Variants in LARP7 observed in about 807,000 individuals in gnomAD.
The protein encoded by LARP7 is la-related protein 7.
In LARP7, 52 loss-of-function variants were observed where a neutral mutation model predicts 69.3. The observed-to-expected ratio is 0.75, with a 90% CI of 0.60 to 0.95. The LOEUF is 0.95. Among genes scored for constraint, LARP7 ranks in the 40% least tolerant of loss-of-function variants. The probability of loss-of-function intolerance (pLI) is 0.00; values close to 1 mark genes in which losing one functional copy is unlikely to be tolerated. For missense variants in LARP7, 733 were observed against 673.0 expected, an observed-to-expected ratio of 1.09 and a Z score of -0.99; for synonymous variants, 254 against 215.9, an observed-to-expected ratio of 1.18 and a Z score of -1.55.
intron 8 of LARP7, among the ~76,000 whole-genome samples, chr4:112,649,323 A>G (rs1425124095): frequency 6.6e-6 from 1 of 152,196 alleles, no homozygotes; most frequent in African/African-American, 2.4e-5. Flanking sequence ...CAATCTTAAA[A>G]CATTTAATCT....
At position 112,646,970 on chromosome 4, in the gene LARP7, TAAAA is replaced by T. The variant is rs747753883; in HGVS notation, c.552+25_552+28del. 6 of 1,385,202 alleles carry T rather than the reference TAAAA, an allele frequency of 4.3e-6. No individual in the cohort carries two copies. Among genetic ancestry groups the T allele is most frequent in the East Asian group, 2.4e-5 (1 of 41,016 alleles). The allele number at this position is 1,385,202 out of a possible 1,614,324, so 85.8% of individuals were successfully genotyped here. ...AAGCAATTGAGGTAAGTCCAGATCC[TAAAA>T]AAAAAAAAAGAAAGAAAAGAAAACA... On this transcript the variant is annotated intron_variant, in intron 5 of 12. Coordinates refer to ENST00000344442, the MANE Select transcript of LARP7 (RefSeq NM_016648.4).
intron 1 of LARP7, among the ~76,000 whole-genome samples, chr4:112,640,164 T>C (rs1480026828): frequency 6.6e-6 from 1 of 152,008 alleles, no homozygotes; most frequent in Non-Finnish European, 1.5e-5. Flanking sequence ...GTCTTGAACT[T>C]CTGACCTCAA....
chr4:112,648,467 G>A, intron 8 of LARP7: 1 of 534,054 alleles, frequency 1.9e-6, no homozygotes, highest in Non-Finnish European at 3.9e-6. Context: ...TTCTATTTTG[G>A]AGAAGTAAAT....
chr4:112,644,945 C>CTTTTTTTT lies in LARP7; in HGVS notation c.202+86_202+93dup, dbSNP rs58234206. The CTTTTTTTT allele has an allele frequency of 8.2e-4, 138 of 168,188 alleles. 4 individuals are homozygous for CTTTTTTTT. The highest frequency in any genetic ancestry group is 1.8e-3 in the East Asian group (10 of 5,636). 10.4% of individuals were successfully genotyped at this position (168,188 alleles called of 1,614,324 possible). A position where few individuals can be genotyped will look rare whatever the true frequency, so the allele number is the denominator to read the frequency against. On this transcript the variant is annotated intron_variant, in intron 2 of 12. Transcript: ENST00000344442. ...AAATTTACTTATAAAATAATATATTCTTTTTTTTTTTTTTTTTTTGAGTTG... is the reference window on the plus strand; with the variant it reads ...AAATTTACTTATAAAATAATATATTCTTTTTTTTTTTTTTTTTTTTTTTTTTTGAGTTG...
chr4:112,652,922 T>A (rs2048810845), intron 10 of LARP7, among the ~76,000 whole-genome samples, 155 bp from the exon 11 acceptor site: 1 of 152,218 alleles, frequency 6.6e-6, no homozygotes, highest in Non-Finnish European at 1.5e-5. Context: ...AAGAACATGC[T>A]TTACAGGAAA....
chr4:112,647,447 A>C lies in LARP7; in HGVS notation c.895A>C (p.Ser299Arg). 1.9e-6 allele frequency: 3 copies of C among 1,614,140 alleles called. No homozygotes were observed. Among genetic ancestry groups the C allele is most frequent in the Non-Finnish European group, 2.5e-6 (3 of 1,180,008 alleles). The part of the protein sequence containing the change: ...EVRTGKRKRS[S>R]SEDAESLAPR... ...CAGAACAGGGAAGAGGAAGAGAAGC[A>C]GCTCTGAAGATGCAGAATCCCTAGC... The change falls in exon 7 of 13, where the codon AGC (serine) becomes CGC (arginine). Residue 299 changes from serine (S) to arginine (R), a missense_variant. Physicochemically the swap from Ser to Arg is moderately radical, Grantham distance 110. Transcript: ENST00000344442.
intron 1 of LARP7, among the ~76,000 whole-genome samples, chr4:112,644,032 G>C (rs533586008): frequency 3.2e-4 from 48 of 151,884 alleles, no homozygotes; most frequent in African/African-American, 1.1e-3. Context: ...CACCAGGACA[G>C]CAATTCAAGA....
Position 112,647,242 on chromosome 4 carries a change from G to GC in LARP7, c.690_691insC (p.Glu231ArgfsTer20), listed in dbSNP as rs766513870. The GC allele has an allele frequency of 1.6e-5, 25 of 1,601,150 alleles. No homozygotes were observed. The highest frequency in any genetic ancestry group is 7.1e-5 in the Admixed American group (4 of 56,112). ...AGAAGAAGAAAGGCCGAATGAAAAA[G>GC]GAAGACAATATCCAAGCCAAAGAAG... On this transcript the variant is annotated frameshift_variant, in exon 7 of 13. Coordinates refer to ENST00000344442, the MANE Select transcript of LARP7 (RefSeq NM_016648.4). LOFTEE classifies it high-confidence loss of function.
chr4:112,652,272 G>A (rs1410318641), intron 10 of LARP7, among the ~76,000 whole-genome samples: 1 of 150,530 alleles, frequency 6.6e-6, no homozygotes, highest in African/African-American at 2.5e-5. Flanking sequence ...AAAACGAAAG[G>A]GAGGCAAGAT....
rs566353014 is a variant in LARP7 at position 112,652,301 on chromosome 4, C to G, written c.1417-776C>G. Among the ~76,000 whole-genome samples, 28 of 141,570 alleles carry G rather than the reference C, an allele frequency of 2.0e-4. No individual in the cohort carries two copies. In the South Asian group the frequency reaches 2.7e-3, roughly 14 times the overall value. 92.9% of individuals were successfully genotyped at this position (141,570 alleles called of 152,430 possible). A position where few individuals can be genotyped will look rare whatever the true frequency, so the allele number is the denominator to read the frequency against. On this transcript the variant is annotated intron_variant, in intron 10 of 12. Coordinates refer to ENST00000344442, the MANE Select transcript of LARP7 (RefSeq NM_016648.4). ...GCAAGATAAATAAGATTTCCCCCCC[C>G]CCCCCATTTAGCAATCTCCAGTTAC...
intron 1 of LARP7, among the ~76,000 whole-genome samples, chr4:112,641,491 A>G (rs949088436): frequency 1.1e-4 from 16 of 151,680 alleles, no homozygotes; most frequent in African/African-American, 3.4e-4. Context: ...ATCGATTATA[A>G]GGGAAGAAGA....
At chr4:112,654,363 G>A in intron 12 of LARP7, 2 of 453,210 alleles carry the variant, frequency 4.4e-6, no homozygotes, top group Non-Finnish European at 3.9e-6. Flanking sequence ...TTTCTCACAA[G>A]GATACATAAT....
intron 2 of LARP7, chr4:112,645,810 C>G (rs1042917607): frequency 8.8e-6 from 3 of 341,646 alleles, no homozygotes; most frequent in African/African-American, 6.5e-5. Context: ...GAGCCACCAT[C>G]CCCAGTTGCT....
intron 10 of LARP7, among the ~76,000 whole-genome samples, chr4:112,652,527 T>TCCACA (rs2048792549): frequency 6.6e-6 from 1 of 152,146 alleles, no homozygotes; most frequent in Non-Finnish European, 1.5e-5. Flanking sequence ...TAGAAGAGGT[T>TCCACA]ACTTAGGTAT....
At chr4:112,647,958 G>A (rs1578601376) in intron 8 of LARP7, 124 bp downstream of exon 8, 1 of 789,314 alleles carries the variant, frequency 1.3e-6, no homozygotes, top group Non-Finnish European at 2.3e-6. Context: ...GCCAAGAACT[G>A]CACACAGTGT....
intron 1 of LARP7, among the ~76,000 whole-genome samples, chr4:112,643,223 A>G (rs544839732): frequency 3.3e-5 from 5 of 152,354 alleles, no homozygotes; most frequent in South Asian, 2.1e-4. Context: ...AAATGCTATG[A>G]ACAAAAATAA....
Position 112,647,267 on chromosome 4 carries a change from GA to G in LARP7, c.719del (p.Asn240ThrfsTer12). The G allele has an allele frequency of 6.2e-7, 1 of 1,612,528 alleles. No individual in the cohort carries two copies. ...GGAAGACAATATCCAAGCCAAAGAAGAAAACATGGACACAAGCAACACCAGC... is the reference window on the plus strand; with the variant it reads ...GGAAGACAATATCCAAGCCAAAGAAGAAACATGGACACAAGCAACACCAGC... ...KKEDNIQAKEENMDTSNTSIS... is the reference protein window; with the variant it reads ...KKEDNIQAKEXNMDTSNTSIS... On this transcript the variant is annotated frameshift_variant, in exon 7 of 13. Coordinates refer to ENST00000344442, the MANE Select transcript of LARP7 (RefSeq NM_016648.4). LOFTEE classifies it high-confidence loss of function.
At position 112,649,729 on chromosome 4, in the gene LARP7, T is replaced by C. The variant is rs7656819; in HGVS notation, c.1294+43T>C. 30,687 of 1,297,764 alleles carry C rather than the reference T, an allele frequency of 0.024. 3,950 individuals carry two copies. In the African/African-American group the frequency reaches 0.33, roughly 14 times the overall value. The allele number at this position is 1,297,764 out of a possible 1,614,324, so 80.4% of individuals were successfully genotyped here. Reference sequence around the variant, plus strand: ...TTTTGACAACATTATAATGTACTTATATATGTAAATGCTATCTCTGAGTTG... The same window carrying C: ...TTTTGACAACATTATAATGTACTTACATATGTAAATGCTATCTCTGAGTTG... On this transcript the variant is annotated intron_variant, in intron 9 of 12. Transcript: ENST00000344442.
At chr4:112,650,160 C>A in intron 9 of LARP7, 1 of 212,824 alleles carries the variant, frequency 4.7e-6, no homozygotes, top group Non-Finnish European at 9.3e-6. Context: ...TTTTTTTTAA[C>A]TTTATTGAGT....
Sources: allele counts gnomAD v4.1 joint callset (sites outside exome capture counted in the v4.1 genomes callset), GRCh38; gene constraint gnomAD v4.1.1; transcripts MANE v1.5; gene names NCBI Gene and HGNC (gene_info 2026-07-23, HGNC 2026-07-21).